Variants in INSL6 observed in about 807,000 individuals in gnomAD.
INSL6 encodes insulin-like peptide INSL6.
Under a neutral mutation model 9.4 loss-of-function variants are expected in INSL6, and 16 were observed. The observed-to-expected ratio is 1.70, with a 90% CI of 1.15 to 2.59. The LOEUF (loss-of-function observed/expected upper bound fraction) is 2.59, where lower values mean the gene tolerates loss of function less well. Among genes scored for constraint, INSL6 ranks in the 30% most tolerant of loss-of-function variants. The pLI, the probability that INSL6 is intolerant of heterozygous loss-of-function variation, is 0.00. For missense variants in INSL6, 391 were observed against 257.3 expected (o/e 1.52, Z -3.56); for synonymous variants, 154 against 96.9 (o/e 1.59, Z -3.46).
the INSL6 span, among the ~76,000 whole-genome samples, chr9:5,034,202 A>G: frequency 2.0e-5 from 3 of 152,232 alleles, no homozygotes; most frequent in African/African-American, 7.2e-5. Flanking sequence ...TGTCCTAAAT[A>G]TATATGCACC....
the INSL6 span, among the ~76,000 whole-genome samples, chr9:5,118,517 A>G: frequency 1.3e-5 from 2 of 152,218 alleles, no homozygotes; most frequent in African/African-American, 2.4e-5. Context: ...ACAAATTTGG[A>G]TAATTGCTTT....
intron 2 of INSL6, among the ~76,000 whole-genome samples, chr9:5,155,812 T>C (rs1824805408): frequency 6.6e-6 from 1 of 151,574 alleles, no homozygotes; most frequent in Admixed American, 6.6e-5. Context: ...GAGAAATACC[T>C]AATATAGATG....
the INSL6 span, chr9:5,085,817 T>C: frequency 1.3e-6 from 1 of 759,276 alleles, no homozygotes. Flanking sequence ...CCACAATAAT[T>C]GATCGAAAGG....
At chr9:5,144,982 T>C (rs1416673566) in intron 2 of INSL6, among the ~76,000 whole-genome samples, 1 of 152,228 alleles carries the variant, frequency 6.6e-6, no homozygotes, top group Non-Finnish European at 1.5e-5. Flanking sequence ...AGTATTGTTA[T>C]GTGTGGATTT....
the INSL6 span, chr9:5,068,913 T>C: frequency 2.8e-5 from 18 of 648,640 alleles, no homozygotes; most frequent in Non-Finnish European, 4.6e-5. Context: ...GGATTCATGG[T>C]TCAAATGTTT....
At chr9:5,068,061 G>A in the INSL6 span, among the ~76,000 whole-genome samples, 3 of 152,136 alleles carry the variant, frequency 2.0e-5, no homozygotes, top group Non-Finnish European at 4.4e-5. Flanking sequence ...TCGGGAGGCT[G>A]AGGTAGGAGA....
rs1366288951 is a variant in INSL6, at chr9:5,185,500, T to A, written c.103A>T (p.Arg35Trp). The change falls in exon 1 of 2, where the codon AGG (arginine) becomes TGG (tryptophan). Residue 35 changes from arginine to tryptophan, a missense_variant. Arg to Trp is a moderately radical substitution (Grantham distance 101). Transcript: ENST00000381641. ...TTTTCTATTTCTTTCACCAAGTACCTGCCGCACAGCTTCCTGGCACTGCTG... is the reference window on the plus strand; with the variant it reads ...TTTTCTATTTCTTTCACCAAGTACCAGCCGCACAGCTTCCTGGCACTGCTG... ...DISSARKLCG[R>W]YLVKEIEKLC... 1 of 1,614,098 alleles carries A rather than the reference T, an allele frequency of 6.2e-7. No homozygotes were observed.
At chr9:5,034,296 A>C in the INSL6 span, among the ~76,000 whole-genome samples, 1 of 152,184 alleles carries the variant, frequency 6.6e-6, no homozygotes, top group African/African-American at 2.4e-5. Context: ...ATAATGGGAG[A>C]CTTTAACACC....
chr9:5,169,076 G>A (rs370152237), intron 1 of INSL6, among the ~76,000 whole-genome samples: 8 of 152,098 alleles, frequency 5.3e-5, no homozygotes, highest in East Asian at 1.9e-4. Context: ...AGAGGCATGC[G>A]CCACCATGCC....
intron 3 of INSL6, among the ~76,000 whole-genome samples, chr9:5,125,061 A>T (rs1823885110): frequency 6.6e-6 from 1 of 151,262 alleles, no homozygotes; most frequent in Non-Finnish European, 1.5e-5. Flanking sequence ...TTCCAAAGTA[A>T]TTTTTCTCTT....
chr9:5,128,648 C>T (rs902187258), intron 3 of INSL6, among the ~76,000 whole-genome samples: 6 of 151,810 alleles, frequency 4.0e-5, no homozygotes, highest in Non-Finnish European at 8.9e-5. Context: ...TATAAAGAAT[C>T]CCACATGTAC....
chr9:5,122,581 A>C (rs769486938), downstream of INSL6, among the ~76,000 whole-genome samples: 5 of 152,110 alleles, frequency 3.3e-5, no homozygotes, highest in Non-Finnish European at 7.4e-5. Flanking sequence ...AGAGATTCCC[A>C]AGACCATCCC....
chr9:5,112,351 C>T, the INSL6 span: 1 of 351,912 alleles, frequency 2.8e-6, no homozygotes, highest in Non-Finnish European at 5.4e-6. Context: ...CTTCCGACTC[C>T]TGCAGTGGGC....
the INSL6 span, chr9:5,041,894 C>T: frequency 1.9e-5 from 8 of 417,292 alleles, no homozygotes; most frequent in Non-Finnish European, 2.3e-5. Context: ...ATCAGGGCGC[C>T]TGCAGAGATG....
the INSL6 span, among the ~76,000 whole-genome samples, chr9:5,003,800 G>GATCA: frequency 6.6e-6 from 1 of 152,100 alleles, no homozygotes; most frequent in South Asian, 2.1e-4. Context: ...AGAAGAACAA[G>GATCA]ATCAATATTT....
Position 5,185,537 on chromosome 9 carries a change from T to C in INSL6, c.66A>G (p.Glu22=). ...LGLLLVRFSR[E]LSDISSARKL... ...TCCTGGCACTGCTGATGTCGCTCAG[T>C]TCACGAGAAAACCGAACCAGCAGGA... The change falls in exon 1 of 2, where the codon GAA becomes GAG. Residue 22 remains glutamate (E), a synonymous_variant. Coordinates refer to ENST00000381641, the MANE Select transcript of INSL6 (RefSeq NM_007179.3). The C allele has an allele frequency of 6.2e-7, 1 of 1,614,196 alleles. No homozygotes were observed. Among genetic ancestry groups the C allele is most frequent in the Non-Finnish European group, 8.5e-7 (1 of 1,180,026 alleles).
the INSL6 span, chr9:5,110,900 C>A: frequency 1.8e-6 from 1 of 550,874 alleles, no homozygotes; most frequent in East Asian, 4.5e-5. Flanking sequence ...GATGCCCGCT[C>A]TGGCCCCAAG....
the INSL6 span, chr9:5,110,995 C>T: frequency 4.5e-6 from 3 of 672,306 alleles, no homozygotes; most frequent in East Asian, 3.5e-5. Flanking sequence ...GTTCCCGCTG[C>T]CCGTTGCCAA....
the INSL6 span, among the ~76,000 whole-genome samples, chr9:5,102,030 G>A: frequency 2.0e-5 from 3 of 152,100 alleles, no homozygotes; most frequent in East Asian, 5.8e-4. Context: ...CAGCTGGATG[G>A]AGAATGACTT....
Sources: allele counts gnomAD v4.1 joint callset (sites outside exome capture counted in the v4.1 genomes callset), GRCh38; gene constraint gnomAD v4.1.1; transcripts MANE v1.5; gene names NCBI Gene and HGNC (gene_info 2026-07-23, HGNC 2026-07-21).